Variants in ZNF44 observed in about 807,000 individuals in gnomAD.
ZNF44 encodes the protein zinc finger protein 44, also known as gonadotropin inducible transcription repressor-2.
ZNF44 carries 9 observed loss-of-function variants against 11.7 expected under a neutral mutation model. The ratio of observed to expected loss-of-function variants is 0.77; its 90% confidence interval spans 0.46 to 1.35. The LOEUF (loss-of-function observed/expected upper bound fraction) is 1.35, where lower values mean the gene tolerates loss of function less well. ZNF44 is among the 40% of genes most tolerant of loss of function. The probability of loss-of-function intolerance (pLI) is 0.00; values close to 1 mark genes in which losing one functional copy is unlikely to be tolerated. For synonymous variants in ZNF44, 224 were observed against 242.7 expected (o/e 0.92, Z 0.72); for missense variants, 696 against 743.1 (o/e 0.94, Z 0.74).
intron 1 of ZNF44, among the ~76,000 whole-genome samples, chr19:12,285,737 G>C (rs1476396122): frequency 6.6e-6 from 1 of 152,008 alleles, no homozygotes; most frequent in Admixed American, 6.6e-5. Flanking sequence ...GTCAAGTCCT[G>C]GCCAGGCGCG....
In ZNF44 at chr19:12,272,327, C is replaced by A; in HGVS notation, c.*80G>T. 13 of 1,431,986 alleles carry A rather than the reference C, an allele frequency of 9.1e-6. No homozygotes were observed. In the South Asian group the frequency reaches 9.7e-5, roughly 11 times the overall value. The allele number at this position is 1,431,986 out of a possible 1,614,324, so 88.7% of individuals were successfully genotyped here. On this transcript the variant is annotated 3_prime_UTR_variant, in exon 4 of 4. Coordinates refer to ENST00000355684, the MANE Select transcript of ZNF44 (RefSeq NM_016264.4). ...CTGGAAACTTCTTAAGGCTTTACCA[C>A]GTTTACATTCACAGGATTTATTTCT...
intron 2 of ZNF44, 109 bp downstream of exon 2, chr19:12,275,847 T>C: frequency 7.3e-7 from 1 of 1,366,906 alleles, no homozygotes; most frequent in Non-Finnish European, 9.8e-7. Flanking sequence ...CCTGTGTTGT[T>C]CAGGAATGAA....
At chr19:12,274,542 G>A (rs1967131690) in intron 3 of ZNF44, among the ~76,000 whole-genome samples, 2 of 151,598 alleles carry the variant, frequency 1.3e-5, no homozygotes, top group African/African-American at 4.8e-5. Context: ...CCAAAGTGCT[G>A]GGATTACAGG....
In ZNF44 at chr19:12,294,707, C is replaced by G. The variant is rs1247613234; in HGVS notation, c.-13G>C. Reference sequence around the variant, plus strand: ...GCACACTCACCATTTCCCGGCTGTGCGGTGTCCCGGGTCCTCCCAACTCCC... The same window carrying G: ...GCACACTCACCATTTCCCGGCTGTGGGGTGTCCCGGGTCCTCCCAACTCCC... On this transcript the variant is annotated 5_prime_UTR_variant, in exon 1 of 4. Transcript: ENST00000355684. The G allele has an allele frequency of 6.4e-7, 1 of 1,557,802 alleles. No individual in the cohort carries two copies.
upstream of ZNF44, among the ~76,000 whole-genome samples, chr19:12,241,045 CCTACAACT>C (rs1240644154): frequency 1.3e-5 from 2 of 152,080 alleles, no homozygotes; most frequent in Non-Finnish European, 2.9e-5. Context: ...CATAGGAACT[CCTACAACT>C]CAACAAAACA....
Position 12,276,080 on chromosome 19 carries a change from G to A in ZNF44, c.6C>T (p.Asp2=), listed in dbSNP as rs1019681885. The A allele has an allele frequency of 1.9e-6, 3 of 1,603,866 alleles. No homozygotes were observed. The highest frequency in any genetic ancestry group is 3.4e-5 in the Admixed American group (2 of 59,656). The change falls in exon 2 of 4, where the codon GAC becomes GAT. Residue 2 remains aspartate (D), a splice_region_variant and synonymous_variant. Coordinates refer to ENST00000355684, the MANE Select transcript of ZNF44 (RefSeq NM_016264.4). M[D]SVAFEDVAVN... Reference sequence around the variant, plus strand: ...CAGCCACATCCTCAAAGGCCACTGAGTCCTGAAACATCCCATATGTCCAGA... The same window carrying A: ...CAGCCACATCCTCAAAGGCCACTGAATCCTGAAACATCCCATATGTCCAGA...
At chr19:12,284,568 A>G (rs1166159200) in intron 1 of ZNF44, 40 of 714,490 alleles carry the variant, frequency 5.6e-5, no homozygotes, top group Non-Finnish European at 1.8e-5. Flanking sequence ...CTCCCTGCCC[A>G]TCAAGGAATC....
At chr19:12,260,147 A>T in intron 5 of ZNF44, 1 of 748,582 alleles carries the variant, frequency 1.3e-6, no homozygotes, top group South Asian at 1.4e-5. Context: ...TCTGCAATGG[A>T]TGGTCGTGCA....
downstream of ZNF44, among the ~76,000 whole-genome samples, chr19:12,246,075 A>G (rs1916761118): frequency 6.6e-6 from 1 of 152,186 alleles, no homozygotes; most frequent in African/African-American, 2.4e-5. Context: ...GTCTGTCTCC[A>G]CGCAGATGGG....
Position 12,273,248 on chromosome 19 carries a change from G to C in ZNF44, c.1007C>G (p.Pro336Arg), listed in dbSNP as rs747243993. Residue 336 changes from proline to arginine, a missense_variant, in exon 4 of 4, where the codon CCT becomes CGT. Physicochemically the swap from Pro to Arg is moderately radical, Grantham distance 103 (BLOSUM62 -2). Coordinates refer to ENST00000355684, the MANE Select transcript of ZNF44 (RefSeq NM_016264.4). ...TTTCCCACATATCTTACATTTATGA[G>C]GTCCATCTCCACTGTGCATTATCAT... ...RHMIMHSGDG[P>R]HKCKICGKGF... The C allele has an allele frequency of 1.2e-6, 2 of 1,613,990 alleles. No individual in the cohort carries two copies. Among genetic ancestry groups the C allele is most frequent in the East Asian group, 4.5e-5 (2 of 44,866 alleles).
At chr19:12,257,168 A>T (rs1223064231) in intron 5 of ZNF44, among the ~76,000 whole-genome samples, 2 of 152,228 alleles carry the variant, frequency 1.3e-5, no homozygotes, top group Admixed American at 6.5e-5. Context: ...GGTAAACTGC[A>T]GCTAAGTCTG....
At chr19:12,247,183 T>C, downstream of ZNF44, 2 of 645,300 alleles carry the variant, frequency 3.1e-6, no homozygotes, top group South Asian at 4.7e-5. Context: ...CCTGTATTAC[T>C]TACATTCATG....
At chr19:12,291,270 A>C (rs1357197814) in intron 1 of ZNF44, 6 of 454,378 alleles carry the variant, frequency 1.3e-5, no homozygotes, top group Non-Finnish European at 2.2e-5. Context: ...AGAGAAACTA[A>C]AGTTTTGATA....
chr19:12,276,051 TTC>T lies in ZNF44; in HGVS notation c.33_34del (p.Asn12LeufsTer4), dbSNP rs779002728. The T allele has an allele frequency of 3.5e-4, 565 of 1,608,286 alleles. 1 individual carries two copies. The highest frequency in any genetic ancestry group is 4.3e-4 in the Non-Finnish European group (504 of 1,176,152). On this transcript the variant is annotated frameshift_variant, in exon 2 of 4. Coordinates refer to ENST00000355684, the MANE Select transcript of ZNF44 (RefSeq NM_016264.4). LOFTEE classifies it high-confidence loss of function. The stretch of plus-strand genomic sequence containing the variant: ...CAAAGCCCACTCCTCATGGGTGAAG[TTC>T]ACAGCCACATCCTCAAAGGCCACTG...
exon 8 of ZNF44, chr19:12,248,245 G>A (rs1227507566): frequency 1.5e-6 from 2 of 1,299,480 alleles, no homozygotes; most frequent in South Asian, 2.5e-5. Context: ...GCAGATTGGT[G>A]GTATCGGAAT....
rs1599505614 is a variant in ZNF44 at position 12,256,437 on chromosome 19, C to T, written c.1913-6069G>A. Reference sequence around the variant, plus strand: ...CTGGGAGGCGGAGATTGCAGTGAGCCGAGATCCACTGCACTCCAGCCTGGG... The same window carrying T: ...CTGGGAGGCGGAGATTGCAGTGAGCTGAGATCCACTGCACTCCAGCCTGGG... On this transcript the variant is annotated intron_variant and NMD_transcript_variant, in intron 5 of 7. Transcript: ENST00000393337. Among the ~76,000 whole-genome samples, 2 of 151,808 alleles carry T rather than the reference C, an allele frequency of 1.3e-5. 1 individual carries two copies. The highest frequency in any genetic ancestry group is 4.8e-5 in the African/African-American group (2 of 41,406).
downstream of ZNF44, among the ~76,000 whole-genome samples, chr19:12,243,431 G>C (rs1006119787): frequency 6.6e-6 from 1 of 152,220 alleles, no homozygotes; most frequent in African/African-American, 2.4e-5. Flanking sequence ...GTGGGATCAT[G>C]AAGTATTTGC....
intron 2 of ZNF44, among the ~76,000 whole-genome samples, chr19:12,232,550 C>G (rs1916209392): frequency 6.6e-6 from 1 of 152,300 alleles, no homozygotes; most frequent in Middle Eastern, 3.4e-3. Flanking sequence ...TGACTCTTAA[C>G]GAGCATGCTG....
chr19:12,294,568 G>A (rs1225976692), intron 1 of ZNF44, 124 bp downstream of exon 1: 7 of 1,341,856 alleles, frequency 5.2e-6, no homozygotes, highest in Middle Eastern at 2.5e-4. Flanking sequence ...GAGGTGCGCA[G>A]GGGGCGCTCA....
Sources: allele counts gnomAD v4.1 joint callset (sites outside exome capture counted in the v4.1 genomes callset), GRCh38; gene constraint gnomAD v4.1.1; transcripts MANE v1.5; gene names NCBI Gene and HGNC (gene_info 2026-07-23, HGNC 2026-07-21).